DOCK1: variants seen among roughly 807,000 people sequenced by gnomAD.
The protein encoded by DOCK1 is dedicator of cytokinesis 1.
In DOCK1, 138 loss-of-function variants were observed where a neutral mutation model predicts 262.7. That is an observed-to-expected ratio of 0.53 (90% confidence interval 0.46 to 0.61). The LOEUF is 0.61. Among genes scored for constraint, DOCK1 ranks in the 20% least tolerant of loss-of-function variants. The pLI, the probability that DOCK1 is intolerant of heterozygous loss-of-function variation, is 0.00. For synonymous variants in DOCK1, 866 were observed against 867.4 expected, an observed-to-expected ratio of 1.00 and a Z score of 0.03; for missense variants, 1,908 against 2,370.7, an observed-to-expected ratio of 0.80 and a Z score of 4.05.
chr10:126,991,219 C>T (rs1451357767), intron 6 of DOCK1, among the ~76,000 whole-genome samples: 1 of 152,212 alleles, frequency 6.6e-6, no homozygotes, highest in African/African-American at 2.4e-5. Context: ...CCCCTGCCTA[C>T]AGCTGTACCT....
At chr10:127,409,575 G>C (rs1404858019) in intron 42 of DOCK1, among the ~76,000 whole-genome samples, 184 bp downstream of exon 42, 2 of 152,132 alleles carry the variant, frequency 1.3e-5, no homozygotes, top group Non-Finnish European at 2.9e-5. Context: ...AAAGTGACAG[G>C]AGATGTTAAT....
At chr10:127,092,599 T>G (rs992830619) in intron 23 of DOCK1, among the ~76,000 whole-genome samples, 1 of 152,012 alleles carries the variant, frequency 6.6e-6, no homozygotes, top group African/African-American at 2.4e-5. Context: ...TTCTCCTACC[T>G]CAGCCTCCCA....
At chr10:126,909,826 A>G (rs572868235) in intron 1 of DOCK1, among the ~76,000 whole-genome samples, 9 of 152,332 alleles carry the variant, frequency 5.9e-5, no homozygotes, top group African/African-American at 2.2e-4. Flanking sequence ...TTATTTAATA[A>G]AGCATAAAGT....
At chr10:127,146,587 T>C (rs1488818451) in intron 27 of DOCK1, among the ~76,000 whole-genome samples, 1 of 152,170 alleles carries the variant, frequency 6.6e-6, no homozygotes, top group Non-Finnish European at 1.5e-5. Context: ...TAAGGTGTTA[T>C]CCAGGGATTC....
At position 127,100,080 on chromosome 10, in the gene DOCK1, A is replaced by G. The variant is rs1008459976; in HGVS notation, c.2446-6151A>G. On this transcript the variant is annotated intron_variant, in intron 23 of 51. Coordinates refer to ENST00000623213, the MANE Select transcript of DOCK1 (RefSeq NM_001290223.2). This position sits in a 1 kb window ranked among gnomAD's most constrained non-coding sequence, Gnocchi z 5.5. The stretch of plus-strand genomic sequence containing the variant: ...GTGGGGCCAGAGCCCATGGCCCTCC[A>G]TGGGTGTGGGATAGGTTCCCTGTGT... Among the ~76,000 whole-genome samples the G allele has an allele frequency of 6.6e-6, 1 of 152,128 alleles. No homozygotes were observed. Among genetic ancestry groups the G allele is most frequent in the Non-Finnish European group, 1.5e-5 (1 of 68,016 alleles).
At chr10:127,161,695 T>A (rs1420405747) in intron 27 of DOCK1, among the ~76,000 whole-genome samples, 1 of 152,130 alleles carries the variant, frequency 6.6e-6, no homozygotes, top group African/African-American at 2.4e-5. Context: ...ACGGATCCTT[T>A]GGCTGGCTCT....
At chr10:126,977,030 T>A (rs1208255495) in intron 2 of DOCK1, among the ~76,000 whole-genome samples, 13 of 152,228 alleles carry the variant, frequency 8.5e-5, no homozygotes, top group Non-Finnish European at 1.0e-4. Context: ...CCACTGTGCC[T>A]GGCCTCTTTG....
chr10:127,424,373 A>C (rs550555083), intron 46 of DOCK1, among the ~76,000 whole-genome samples: 2 of 152,340 alleles, frequency 1.3e-5, no homozygotes, highest in African/African-American at 4.8e-5. Context: ...TCTGACCATT[A>C]AGAGTTTTAT....
chr10:127,078,648 A>G (rs2046714080), intron 23 of DOCK1, among the ~76,000 whole-genome samples: 1 of 152,208 alleles, frequency 6.6e-6, no homozygotes, highest in Non-Finnish European at 1.5e-5. Flanking sequence ...TTGTACATGC[A>G]TGTTTACAGC....
intron 27 of DOCK1, among the ~76,000 whole-genome samples, chr10:127,186,507 G>C (rs1780107): frequency 0.29 from 1,606 of 5,620 alleles, 208 homozygotes; most frequent in Middle Eastern, 0.5. Context: ...GGGAGAAACC[G>C]CCCCCCCGCC....
intron 27 of DOCK1, among the ~76,000 whole-genome samples, chr10:127,162,704 A>C (rs1240078186): frequency 6.6e-6 from 1 of 152,186 alleles, no homozygotes; most frequent in Non-Finnish European, 1.5e-5. Context: ...ATTTCTACTT[A>C]GTGTTCTAAT....
chr10:127,130,580 C>T (rs1428597081), intron 27 of DOCK1, among the ~76,000 whole-genome samples: 1 of 152,206 alleles, frequency 6.6e-6, no homozygotes, highest in African/African-American at 2.4e-5. Context: ...GATATCTCCT[C>T]TCAGACCATG....
intron 38 of DOCK1, among the ~76,000 whole-genome samples, chr10:127,397,824 G>A (rs1292886306): frequency 1.3e-5 from 2 of 151,746 alleles, no homozygotes; most frequent in African/African-American, 2.4e-5. Flanking sequence ...TGTATGACCC[G>A]GGCAGCGACT....
At chr10:127,008,151 G>T (rs2041174295) in intron 10 of DOCK1, among the ~76,000 whole-genome samples, 1 of 152,048 alleles carries the variant, frequency 6.6e-6, no homozygotes, top group South Asian at 2.1e-4. Context: ...AGGCTGGAGG[G>T]CAGTGGTGTG....
rs12416210 is a variant in DOCK1, at chr10:127,012,989, A to G, written c.1201+615A>G. Reference sequence around the variant, plus strand: ...GTCACCTTCAGAACTTGACCGTCTCACTCCCTGATCCATGCAGACTGCCCG... The same window carrying G: ...GTCACCTTCAGAACTTGACCGTCTCGCTCCCTGATCCATGCAGACTGCCCG... On this transcript the variant is annotated intron_variant, in intron 12 of 51. Coordinates refer to ENST00000623213, the MANE Select transcript of DOCK1 (RefSeq NM_001290223.2). The surrounding 1 kb of genome is among the most constrained non-coding windows in gnomAD (Gnocchi z 4.0). Among the ~76,000 whole-genome samples, 14,526 of 151,972 alleles carry G rather than the reference A, an allele frequency of 0.096. 793 individuals carry two copies. The highest frequency in any genetic ancestry group is 0.21 in the East Asian group (1,068 of 5,140).
chr10:127,015,328 C>T (rs1362874824), intron 12 of DOCK1, among the ~76,000 whole-genome samples: 1 of 152,106 alleles, frequency 6.6e-6, no homozygotes, highest in Non-Finnish European at 1.5e-5. Flanking sequence ...CTCCCAGCAT[C>T]GGCCCTCTCC....
chr10:127,093,716 G>A (rs2047729230), intron 23 of DOCK1, among the ~76,000 whole-genome samples: 1 of 151,552 alleles, frequency 6.6e-6, no homozygotes, highest in Admixed American at 6.6e-5. Context: ...AATTCTAATT[G>A]GAGTTTATCT....
chr10:127,136,820 A>G (rs1486126372), intron 27 of DOCK1: 2 of 152,578 alleles, frequency 1.3e-5, no homozygotes, highest in Non-Finnish European at 2.9e-5. Context: ...TCTCTTTGAG[A>G]TGGTCAGGGC....
intron 27 of DOCK1, among the ~76,000 whole-genome samples, chr10:127,198,298 C>T (rs1009040054): frequency 6.6e-6 from 1 of 152,208 alleles, no homozygotes; most frequent in African/African-American, 2.4e-5. Flanking sequence ...GTAATTTTCC[C>T]AGTGGTCTGG....
Sources: gnomAD v4.1 joint callset for allele counts (sites outside exome capture counted in the v4.1 genomes callset) on GRCh38, gnomAD v4.1.1 for gene constraint, Gnocchi (gnomAD v3.1) non-coding constraint, MANE v1.5 for transcripts, NCBI Gene and HGNC (gene_info 2026-07-23, HGNC 2026-07-21) for gene names.